HEATR5A: variants seen among roughly 807,000 people sequenced by gnomAD.
HEATR5A encodes HEAT repeat-containing protein 5A.
Under a neutral mutation model 218.8 loss-of-function variants are expected in HEATR5A, and 178 were observed. The observed-to-expected ratio is 0.81, with a 90% CI of 0.72 to 0.92. The LOEUF (loss-of-function observed/expected upper bound fraction) is 0.92. Among genes scored for constraint, HEATR5A ranks in the 40% least tolerant of loss-of-function variants. HEATR5A has a pLI of 0.00. For missense variants in HEATR5A, 2,420 were observed against 2,418.9 expected (o/e 1.00, Z -0.01); for synonymous variants, 864 against 871.6 (o/e 0.99, Z 0.15).
intron 1 of HEATR5A, among the ~76,000 whole-genome samples, chr14:31,414,968 G>A (rs2031397439): frequency 6.6e-6 from 1 of 152,156 alleles, no homozygotes; most frequent in Non-Finnish European, 1.5e-5. Flanking sequence ...AGTCTCCTGA[G>A]TAGCTGGGAT....
At chr14:31,393,649 T>A (rs2030538536) in intron 6 of HEATR5A, among the ~76,000 whole-genome samples, 1 of 67,812 alleles carries the variant, frequency 1.5e-5, no homozygotes, top group Non-Finnish European at 3.4e-5. Context: ...TGTTTATGAA[T>A]TGAAATTGAT....
chr14:31,395,270 T>C lies in HEATR5A; in HGVS notation c.526A>G (p.Arg176Gly). Residue 176 changes from arginine to glycine, a missense_variant, in exon 5 of 36, where the codon AGG becomes GGG. Arg to Gly is a moderately radical substitution (Grantham distance 125, BLOSUM62 -2). Coordinates refer to ENST00000543095, the MANE Select transcript of HEATR5A (RefSeq NM_015473.4). ...GATCTAGCAGCTTTATAAACATCCCTGTGACAAGGTGCAGCGGCAGCTCCT... is the reference window on the plus strand; with the variant it reads ...GATCTAGCAGCTTTATAAACATCCCCGTGACAAGGTGCAGCGGCAGCTCCT... The part of the protein sequence containing the change: ...GLGAAAAPCH[R>G]DVYKAARSCL... 2.6e-6 allele frequency: 4 copies of C among 1,531,892 alleles called. No individual in the cohort carries two copies. Among genetic ancestry groups the C allele is most frequent in the Non-Finnish European group, 3.5e-6 (4 of 1,143,090 alleles). The allele number at this position is 1,531,892 out of a possible 1,614,324, so 94.9% of individuals were successfully genotyped here.
At chr14:31,379,386 G>A (rs1365483876) in intron 11 of HEATR5A, among the ~76,000 whole-genome samples, 1 of 151,992 alleles carries the variant, frequency 6.6e-6, no homozygotes, top group Non-Finnish European at 1.5e-5. Context: ...GAGTAGCTGG[G>A]ACTACAGGCA....
chr14:31,397,975 T>G lies in HEATR5A; in HGVS notation c.447+698A>C, dbSNP rs758204696. 5.3e-5 allele frequency among the ~76,000 whole-genome samples: 8 copies of G among 152,322 alleles called. No homozygotes were observed. In the East Asian group the frequency reaches 1.5e-3, roughly 29 times the overall value. On this transcript the variant is annotated intron_variant, in intron 4 of 35. Transcript: ENST00000543095. ...TGTTTTTATATTTAAAGGTGCTAAG[T>G]TGTCCTTACATATTAGGGACCACGG...
intron 19 of HEATR5A, among the ~76,000 whole-genome samples, chr14:31,346,891 T>A (rs146142579): frequency 6.6e-6 from 1 of 152,114 alleles, no homozygotes; most frequent in South Asian, 2.1e-4. Context: ...ATTCCATATT[T>A]GATTAAGATA....
intron 4 of HEATR5A, among the ~76,000 whole-genome samples, chr14:31,396,766 AATCAAAG>A (rs1407403154): frequency 6.6e-6 from 1 of 152,242 alleles, no homozygotes; most frequent in Non-Finnish European, 1.5e-5. Context: ...TGATCAACTA[AATCAAAG>A]ATCAAAAGTA....
chr14:31,320,100 C>A, intron 25 of HEATR5A: 1 of 220,402 alleles, frequency 4.5e-6, no homozygotes, highest in South Asian at 6.9e-5. Flanking sequence ...GAAAATTAAC[C>A]TTTATTTATT....
rs138259220 is a variant in HEATR5A at position 31,346,759 on chromosome 14, C to T, written c.2868+989G>A. Among the ~76,000 whole-genome samples the T allele has an allele frequency of 4.6e-3, 703 of 151,856 alleles. 10 individuals are homozygous for T. Among genetic ancestry groups the T allele is most frequent in the African/African-American group, 0.016 (667 of 41,378 alleles). Reference sequence around the variant, plus strand: ...TTTAGCCTTATATCTAGAGAGAGTTCGAAAGAAAAGGACCTAAAAATGTGA... The same window carrying T: ...TTTAGCCTTATATCTAGAGAGAGTTTGAAAGAAAAGGACCTAAAAATGTGA... On this transcript the variant is annotated intron_variant, in intron 19 of 35. Transcript: ENST00000543095.
intron 29 of HEATR5A, 27 bp from the exon 30 acceptor site, chr14:31,308,047 G>A (rs1899611651): frequency 6.4e-7 from 1 of 1,569,450 alleles, no homozygotes; most frequent in African/African-American, 1.4e-5. Flanking sequence ...AAGAGGAGGA[G>A]GCTTCTTTCA....
chr14:31,372,912 C>CTCCCTCCT (rs1371227451), intron 12 of HEATR5A, among the ~76,000 whole-genome samples: 1 of 151,122 alleles, frequency 6.6e-6, no homozygotes, highest in Non-Finnish European at 1.5e-5. Flanking sequence ...CCCTCCCTCC[C>CTCCCTCCT]TCCCTCCTTC....
intron 1 of HEATR5A, among the ~76,000 whole-genome samples, chr14:31,417,534 A>G (rs943325618): frequency 6.6e-6 from 1 of 151,610 alleles, no homozygotes; most frequent in African/African-American, 2.4e-5. Flanking sequence ...GCAGCAGCCC[A>G]GATCGCGCCA....
At chr14:31,366,408 T>C (rs1370561467) in intron 13 of HEATR5A, among the ~76,000 whole-genome samples, 3 of 152,212 alleles carry the variant, frequency 2.0e-5, no homozygotes, top group African/African-American at 2.4e-5. Flanking sequence ...CTTTCAATCA[T>C]ATTCACAAGA....
intron 13 of HEATR5A, among the ~76,000 whole-genome samples, chr14:31,368,413 C>T (rs1566770784): frequency 6.6e-6 from 1 of 152,170 alleles, no homozygotes; most frequent in African/African-American, 2.4e-5. Flanking sequence ...CACAAATGGA[C>T]TAAGACAGAT....
chr14:31,392,471 T>C (rs1023816294), intron 6 of HEATR5A, among the ~76,000 whole-genome samples: 1 of 152,232 alleles, frequency 6.6e-6, no homozygotes, highest in African/African-American at 2.4e-5. Flanking sequence ...CTCTTCTCTA[T>C]GTATACTCAC....
intron 13 of HEATR5A, among the ~76,000 whole-genome samples, chr14:31,365,025 C>T (rs1901752470): frequency 6.6e-6 from 1 of 151,950 alleles, no homozygotes; most frequent in Non-Finnish European, 1.5e-5. Context: ...CAGGTGCGCA[C>T]CACCATGCCC....
chr14:31,306,743 C>A lies in HEATR5A; in HGVS notation c.4955G>T (p.Arg1652Leu). 6.2e-7 allele frequency: 1 copy of A among 1,609,446 alleles called. No individual in the cohort carries two copies. Among genetic ancestry groups the A allele is most frequent in the Non-Finnish European group, 8.5e-7 (1 of 1,177,476 alleles). ...AGGTTAACATTTACCTTCTGCACTT[C>A]GTCTTTTTTCCTTCACATGTTCTTG... is the stretch of plus-strand genomic sequence containing the variant. ...AAQEHVKEKRRSAEVDDGAAE... is the reference protein window; with the variant it reads ...AAQEHVKEKRLSAEVDDGAAE... Residue 1652 changes from arginine to leucine, a missense_variant, in exon 31 of 36, where the codon CGA becomes CTA. Physicochemically the swap from Arg to Leu is moderately radical, Grantham distance 102. Coordinates refer to ENST00000543095, the MANE Select transcript of HEATR5A (RefSeq NM_015473.4).
At chr14:31,311,476 A>G (rs1899750075) in intron 28 of HEATR5A, among the ~76,000 whole-genome samples, 1 of 151,960 alleles carries the variant, frequency 6.6e-6, no homozygotes. Context: ...CAGTGGCACG[A>G]TGATAGCTGC....
intron 16 of HEATR5A, among the ~76,000 whole-genome samples, chr14:31,351,508 GA>G (rs71430949): frequency 0.38 from 48,963 of 129,194 alleles, 8,529 homozygotes; most frequent in Middle Eastern, 0.44. Context: ...AAGAAAGAAA[GA>G]AAAAAAAAAA....
Position 31,387,211 on chromosome 14 carries a change from TC to T in HEATR5A, c.1097del (p.Arg366GlnfsTer4). The stretch of plus-strand genomic sequence containing the variant: ...CTCCAAGAAGACCACCTATAGTAGT[TC>T]GAAGAATAAATGAAACACAACGGCG... ...CCRRCVSFIL[R>X]TTIGGLLGEK... On this transcript the variant is annotated frameshift_variant, in exon 8 of 36. Transcript: ENST00000543095. LOFTEE classifies it high-confidence loss of function. 6.2e-7 allele frequency: 1 copy of T among 1,613,910 alleles called. No homozygotes were observed. Among genetic ancestry groups the T allele is most frequent in the Non-Finnish European group, 8.5e-7 (1 of 1,179,878 alleles).
Sources: gnomAD v4.1 joint callset for allele counts (sites outside exome capture counted in the v4.1 genomes callset) on GRCh38, gnomAD v4.1.1 for gene constraint, MANE v1.5 for transcripts, NCBI Gene and HGNC (gene_info 2026-07-23, HGNC 2026-07-21) for gene names.